Variants in CDC14B observed in about 807,000 individuals in gnomAD.
The protein encoded by CDC14B is dual specificity protein phosphatase CDC14B.
In CDC14B, 22 loss-of-function variants were observed where a neutral mutation model predicts 64.2. The ratio of observed to expected loss-of-function variants is 0.34; its 90% CI spans 0.24 to 0.49. CDC14B has a LOEUF of 0.49. CDC14B is among the 20% of genes least tolerant of loss of function. The pLI is 0.99. For synonymous variants in CDC14B, 191 were observed against 215.8 expected (o/e 0.89, Z 1.01); for missense variants, 498 against 629.9 (o/e 0.79, Z 2.24).
chr9:96,521,009 A>C (rs1836626927), intron 12 of CDC14B, among the ~76,000 whole-genome samples: 1 of 152,190 alleles, frequency 6.6e-6, no homozygotes, highest in African/African-American at 2.4e-5. Context: ...ACTTTTAATA[A>C]GGAAATTAAA....
intron 7 of CDC14B, 173 bp downstream of exon 7, chr9:96,538,905 A>T: frequency 1.8e-6 from 1 of 566,196 alleles, no homozygotes; most frequent in Admixed American, 3.2e-5. Flanking sequence ...AAATTATGTG[A>T]GGTGATGAAT....
intron 13 of CDC14B, among the ~76,000 whole-genome samples, chr9:96,506,187 A>AT (rs914378628): frequency 5.5e-4 from 83 of 151,310 alleles, no homozygotes; most frequent in Admixed American, 2.0e-3. Context: ...AGGGTGCTCT[A>AT]TTTTTTTTTC....
chr9:96,549,687 T>C (rs1172747390), intron 5 of CDC14B, among the ~76,000 whole-genome samples: 1 of 151,686 alleles, frequency 6.6e-6, no homozygotes, highest in African/African-American at 2.4e-5. Context: ...AAAGAAACAC[T>C]GTTTAGATAA....
intron 1 of CDC14B, among the ~76,000 whole-genome samples, chr9:96,574,793 T>C (rs923577870): frequency 5.3e-5 from 8 of 149,628 alleles, no homozygotes; most frequent in South Asian, 2.1e-4. Context: ...TAGGAGAAGA[T>C]AGACACAATG....
rs10125037 is a variant in CDC14B at position 96,523,570 on chromosome 9, C to T, written c.1085+17G>A. ...CCACATGTTCCCTGGGAACTACAGA[C>T]GTAGGCTACTACTTACATCACCAAA... On this transcript the variant is annotated intron_variant, in intron 10 of 13. Transcript: ENST00000375241. The T allele has an allele frequency of 0.013, 20,257 of 1,614,000 alleles. 1,870 individuals are homozygous for T. The African/African-American group carries it at 0.22, about 18-fold the overall frequency.
At chr9:96,570,655 T>A (rs936648253) in intron 1 of CDC14B, among the ~76,000 whole-genome samples, 2 of 152,202 alleles carry the variant, frequency 1.3e-5, no homozygotes, top group African/African-American at 4.8e-5. Context: ...GAACTGTTCA[T>A]CAAAGTACTG....
At chr9:96,616,289 G>A (rs985905724) in intron 1 of CDC14B, among the ~76,000 whole-genome samples, 3 of 151,882 alleles carry the variant, frequency 2.0e-5, no homozygotes, top group African/African-American at 7.3e-5. Context: ...TAGCTCCACC[G>A]CACTCAACCC....
At chr9:96,597,665 A>G (rs906500892) in intron 1 of CDC14B, among the ~76,000 whole-genome samples, 7 of 152,192 alleles carry the variant, frequency 4.6e-5, no homozygotes, top group Admixed American at 1.3e-4. Flanking sequence ...TCACTAGCAG[A>G]TCTACACTAT....
intron 1 of CDC14B, among the ~76,000 whole-genome samples, chr9:96,578,668 A>G (rs1380175965): frequency 6.6e-6 from 1 of 152,198 alleles, no homozygotes; most frequent in African/African-American, 2.4e-5. Context: ...ACAAGGAAAG[A>G]CTGAGAAACT....
At position 96,503,501 on chromosome 9, in the gene CDC14B, C is replaced by T; in HGVS notation, c.*252G>A. ...GTACCAGAGGGCTTGGGTATTTACA[C>T]CTGAGACTAAATTTACAACAGCATG... On this transcript the variant is annotated 3_prime_UTR_variant, in exon 14 of 14. Transcript: ENST00000375241. The T allele has an allele frequency of 1.9e-6, 1 of 515,048 alleles. No individual in the cohort carries two copies. Among genetic ancestry groups the T allele is most frequent in the South Asian group, 2.5e-5 (1 of 39,392 alleles). The allele number at this position is 515,048 out of a possible 1,614,324, so 31.9% of individuals were successfully genotyped here.
intron 1 of CDC14B, among the ~76,000 whole-genome samples, chr9:96,617,227 C>T (rs1022494660): frequency 5.9e-5 from 9 of 151,512 alleles, no homozygotes; most frequent in African/African-American, 1.9e-4. Context: ...TTTCCTGTAA[C>T]GCACCCCTCC....
chr9:96,551,637 C>T (rs1411176006), intron 5 of CDC14B, among the ~76,000 whole-genome samples, 159 bp downstream of exon 5: 3 of 152,256 alleles, frequency 2.0e-5, no homozygotes, highest in East Asian at 1.9e-4. Flanking sequence ...CATGACAAAA[C>T]GTCAACAGTG....
In CDC14B at chr9:96,619,351, T is replaced by C; in HGVS notation, c.28A>G (p.Ser10Gly). Residue 10 changes from serine (S) to glycine (G), a missense_variant, in exon 1 of 14, where the codon AGC becomes GGC. Coordinates refer to ENST00000375241, the MANE Select transcript of CDC14B (RefSeq NM_033331.4). The stretch of plus-strand genomic sequence containing the variant: ...GAGCAGGGGGGCGCGGCGGCCCAGC[T>C]CGACCGCCGCTCGCTTTTCCGCTTC... MKRKSERRS[S>G]WAAAPPCSRR... 1 of 1,244,376 alleles carries C rather than the reference T, an allele frequency of 8.0e-7. No individual in the cohort carries two copies. The highest frequency in any genetic ancestry group is 1.0e-6 in the Non-Finnish European group (1 of 990,774). The allele number at this position is 1,244,376 out of a possible 1,614,324, so 77.1% of individuals were successfully genotyped here. A position where few individuals can be genotyped will look rare whatever the true frequency, so the allele number is the denominator to read the frequency against.
downstream of CDC14B, among the ~76,000 whole-genome samples, chr9:96,498,646 ATCAG>A (rs1439861958): frequency 2.6e-5 from 4 of 152,240 alleles, no homozygotes; most frequent in African/African-American, 4.8e-5. Context: ...GTAATCTGCT[ATCAG>A]TCATTCTTTC....
At chr9:96,598,580 C>A (rs188892979) in intron 1 of CDC14B, among the ~76,000 whole-genome samples, 56 of 152,276 alleles carry the variant, frequency 3.7e-4, no homozygotes, top group Admixed American at 9.2e-4. Context: ...TGTGATCCAC[C>A]TGCCTCGGCC....
chr9:96,543,164 G>A (rs1840316975), intron 5 of CDC14B, among the ~76,000 whole-genome samples: 1 of 152,120 alleles, frequency 6.6e-6, no homozygotes, highest in Non-Finnish European at 1.5e-5. Context: ...GTGAAACCCT[G>A]TCTCTACTAA....
At chr9:96,583,650 C>T (rs937912306) in intron 1 of CDC14B, among the ~76,000 whole-genome samples, 14 of 152,162 alleles carry the variant, frequency 9.2e-5, no homozygotes, top group African/African-American at 3.4e-4. Context: ...CCCGCCTCAG[C>T]CTCCCAAAGT....
chr9:96,569,085 C>CT (rs1227321092), intron 1 of CDC14B, among the ~76,000 whole-genome samples: 1 of 152,192 alleles, frequency 6.6e-6, no homozygotes, highest in African/African-American at 2.4e-5. Context: ...GTATCAATGC[C>CT]TTCATAGTCG....
At chr9:96,618,263 GCACCGAGGTTGA>G (rs1344705401) in intron 1 of CDC14B, among the ~76,000 whole-genome samples, 1 of 152,086 alleles carries the variant, frequency 6.6e-6, no homozygotes, top group Non-Finnish European at 1.5e-5. Flanking sequence ...ATAACGCCAC[GCACCGAGGTTGA>G]CACATTCCCC....
Sources: gnomAD v4.1 joint callset for allele counts (sites outside exome capture counted in the v4.1 genomes callset) on GRCh38, gnomAD v4.1.1 for gene constraint, MANE v1.5 for transcripts, NCBI Gene and HGNC (gene_info 2026-07-23, HGNC 2026-07-21) for gene names.